Variants in ATRNL1 observed in about 807,000 individuals in gnomAD.
The protein encoded by ATRNL1 is attractin like 1, also known as attractin-like protein 1.
A neutral mutation model predicts 182.7 loss-of-function variants in ATRNL1; 95 were observed. The ratio of observed to expected loss-of-function variants is 0.52; its 90% CI spans 0.44 to 0.62. ATRNL1 has a LOEUF of 0.62. Ranked by LOEUF, ATRNL1 falls within the 20% of genes least tolerant of loss-of-function variation. The pLI is 0.00. For missense variants in ATRNL1, 1,471 were observed against 1,679.5 expected (o/e 0.88, Z 2.17); for synonymous variants, 576 against 568.3 (o/e 1.01, Z -0.19).
chr10:115,109,796 C>A (rs1361124785), intron 1 of ATRNL1, among the ~76,000 whole-genome samples: 1 of 152,154 alleles, frequency 6.6e-6, no homozygotes, highest in Non-Finnish European at 1.5e-5. Context: ...CATGACCTAG[C>A]TCACTTTTCA....
At chr10:115,941,303 G>A (rs1451438589) in intron 28 of ATRNL1, among the ~76,000 whole-genome samples, 1 of 152,216 alleles carries the variant, frequency 6.6e-6, no homozygotes, top group Non-Finnish European at 1.5e-5. Flanking sequence ...AACTGAATGT[G>A]TTTCCAAGTT....
intron 27 of ATRNL1, among the ~76,000 whole-genome samples, chr10:115,794,928 G>T: frequency 6.6e-6 from 1 of 151,982 alleles, no homozygotes; most frequent in South Asian, 2.1e-4. Context: ...ATAATAATCT[G>T]TTACTATCAT....
chr10:115,673,557 A>G (rs781919338), intron 26 of ATRNL1, among the ~76,000 whole-genome samples: 4 of 152,118 alleles, frequency 2.6e-5, no homozygotes, highest in Admixed American at 6.6e-5. Flanking sequence ...TGAACCAGTA[A>G]TTTCTAAGCC....
chr10:115,175,443 T>C (rs1166245894), intron 8 of ATRNL1, among the ~76,000 whole-genome samples: 1 of 152,090 alleles, frequency 6.6e-6, no homozygotes, highest in Non-Finnish European at 1.5e-5. Flanking sequence ...CTAAACATAT[T>C]TTTATATTGA....
At chr10:115,694,377 A>G (rs1946487924) in intron 26 of ATRNL1, among the ~76,000 whole-genome samples, 1 of 152,134 alleles carries the variant, frequency 6.6e-6, no homozygotes, top group African/African-American at 2.4e-5. Context: ...TTTATTATAG[A>G]AAGACTTTGG....
intron 26 of ATRNL1, among the ~76,000 whole-genome samples, chr10:115,561,916 C>T (rs141398959): frequency 2.6e-4 from 39 of 152,230 alleles, no homozygotes; most frequent in African/African-American, 8.4e-4. Context: ...AGATTCCTCA[C>T]ACATTGTTGT....
intron 26 of ATRNL1, among the ~76,000 whole-genome samples, chr10:115,691,441 G>T (rs1555048177): frequency 6.6e-6 from 1 of 152,048 alleles, no homozygotes; most frequent in Non-Finnish European, 1.5e-5. Context: ...ATCTATTCAG[G>T]CCAGGCGTGA....
In ATRNL1 at chr10:115,842,656, C is replaced by T. The variant is rs567203211; in HGVS notation, c.3904-5221C>T. 2.8e-5 allele frequency among the ~76,000 whole-genome samples: 4 copies of T among 144,630 alleles called. No homozygotes were observed. In the South Asian group the frequency reaches 6.7e-4, roughly 24 times the overall value. 94.9% of individuals were successfully genotyped at this position (144,630 alleles called of 152,430 possible). On this transcript the variant is annotated intron_variant, in intron 27 of 28. Coordinates refer to ENST00000355044, the MANE Select transcript of ATRNL1 (RefSeq NM_207303.4). ...AGGTATTTGCATATAATTGTTATAA[C>T]TGGTATTCTAAATTGATTTTTACTA...
chr10:115,411,927 A>G (rs2134342271), intron 20 of ATRNL1, among the ~76,000 whole-genome samples: 1 of 152,230 alleles, frequency 6.6e-6, no homozygotes, highest in African/African-American at 2.4e-5. Flanking sequence ...CAGCTCCTAT[A>G]TTGACCATTA....
At chr10:115,916,614 C>A (rs1555117328) in intron 28 of ATRNL1, among the ~76,000 whole-genome samples, 1 of 152,226 alleles carries the variant, frequency 6.6e-6, no homozygotes, top group East Asian at 1.9e-4. Context: ...TTTTTGTACT[C>A]ATTTCCATTG....
intron 27 of ATRNL1, among the ~76,000 whole-genome samples, chr10:115,729,778 C>T (rs1480240080): frequency 1.1e-4 from 17 of 152,050 alleles, no homozygotes; most frequent in African/African-American, 3.9e-4. Context: ...TCTGTTTCTC[C>T]TTCCATATGT....
At chr10:115,179,766 A>T (rs1564801191) in intron 8 of ATRNL1, among the ~76,000 whole-genome samples, 1 of 152,118 alleles carries the variant, frequency 6.6e-6, no homozygotes, top group Admixed American at 6.6e-5. Flanking sequence ...ACATTTCAGA[A>T]TAGCATGGAA....
intron 26 of ATRNL1, among the ~76,000 whole-genome samples, chr10:115,599,172 A>G (rs1244078197): frequency 7.9e-5 from 12 of 152,190 alleles, no homozygotes; most frequent in Admixed American, 7.9e-4. Flanking sequence ...GTGTACTATA[A>G]AATTTTTCCC....
intron 28 of ATRNL1, among the ~76,000 whole-genome samples, chr10:115,886,133 C>T (rs1319656287): frequency 6.6e-6 from 1 of 152,046 alleles, no homozygotes; most frequent in Non-Finnish European, 1.5e-5. Flanking sequence ...CAAAGGACCT[C>T]ATAGTATGCA....
chr10:115,669,105 TA>T, intron 26 of ATRNL1, among the ~76,000 whole-genome samples: 1 of 152,278 alleles, frequency 6.6e-6, no homozygotes, highest in South Asian at 2.1e-4. Context: ...TTTTATAATT[TA>T]TTTTTGATTC....
chr10:115,107,511 T>A (rs77230298), intron 1 of ATRNL1, among the ~76,000 whole-genome samples: 3,778 of 152,266 alleles, frequency 0.025, 57 homozygotes, highest in South Asian at 0.029. Context: ...GGGCTGAGCC[T>A]ACATAGCAGC....
At chr10:115,851,228 G>A (rs1021056318) in intron 28 of ATRNL1, among the ~76,000 whole-genome samples, 1 of 152,096 alleles carries the variant, frequency 6.6e-6, no homozygotes, top group African/African-American at 2.4e-5. Flanking sequence ...ATGAGCTTGA[G>A]GATCTGCAAA....
rs989608269 is a variant in ATRNL1 at position 115,093,522 on chromosome 10, C to G, written c.-229C>G. ...GGCTGTGGGGTCGGCCCGCTAAGGA[C>G]AAGGTCGGGAGACTGGGTGGCGATG... On this transcript the variant is annotated 5_prime_UTR_variant, in exon 1 of 29. Coordinates refer to ENST00000355044, the MANE Select transcript of ATRNL1 (RefSeq NM_207303.4). This position sits in a 1 kb window ranked among gnomAD's most constrained non-coding sequence, Gnocchi z 6.1. 14 of 672,540 alleles carry G rather than the reference C, an allele frequency of 2.1e-5. No homozygotes were observed. In the African/African-American group the frequency reaches 2.4e-4, roughly 12 times the overall value. 41.7% of individuals were successfully genotyped at this position (672,540 alleles called of 1,614,324 possible).
intron 19 of ATRNL1, among the ~76,000 whole-genome samples, chr10:115,336,878 C>T (rs964034459): frequency 1.5e-4 from 23 of 150,744 alleles, no homozygotes; most frequent in Non-Finnish European, 1.5e-5. Flanking sequence ...CAGAGTCTCG[C>T]TGTGTTGCCC....
Sources: allele counts gnomAD v4.1 joint callset (sites outside exome capture counted in the v4.1 genomes callset), GRCh38; gene constraint gnomAD v4.1.1; non-coding constraint Gnocchi (gnomAD v3.1); transcripts MANE v1.5; gene names NCBI Gene and HGNC (gene_info 2026-07-23, HGNC 2026-07-21).